ACER3: variants seen among roughly 807,000 people sequenced by gnomAD.
ACER3 encodes the protein alkCDase 3.
A neutral mutation model predicts 48.9 loss-of-function variants in ACER3; 16 were observed. The observed-to-expected ratio is 0.33, with a 90% CI of 0.22 to 0.50. The LOEUF (loss-of-function observed/expected upper bound fraction) is 0.50. ACER3 is among the 20% of genes least tolerant of loss of function. ACER3 has a pLI of 0.98. For synonymous variants in ACER3, 109 were observed against 107.8 expected (o/e 1.01, Z -0.07); for missense variants, 227 against 326.0 (o/e 0.70, Z 2.34).
intron 1 of ACER3, 43 bp downstream of exon 1, chr11:76,861,122 G>A: frequency 1.3e-6 from 2 of 1,505,124 alleles, no homozygotes; most frequent in Non-Finnish European, 9.0e-7. Context: ...AGAGGGCACC[G>A]GGCTGAGGAG....
chr11:76,904,682 G>A (rs1041355914), intron 1 of ACER3, among the ~76,000 whole-genome samples: 7 of 152,108 alleles, frequency 4.6e-5, no homozygotes, highest in Non-Finnish European at 7.3e-5. Context: ...ATTGGGACCC[G>A]GCTGGAGATG....
At chr11:77,017,978 C>T (rs181949071) in intron 9 of ACER3, among the ~76,000 whole-genome samples, 3 of 145,930 alleles carry the variant, frequency 2.1e-5, no homozygotes, top group African/African-American at 7.6e-5. Flanking sequence ...ACAGAGTCTC[C>T]CCCAAGCTGG....
At chr11:76,984,567 T>G (rs768716502) in intron 4 of ACER3, among the ~76,000 whole-genome samples, 1 of 152,196 alleles carries the variant, frequency 6.6e-6, no homozygotes, top group Non-Finnish European at 1.5e-5. Flanking sequence ...GATTGGATAC[T>G]CACTGATGGC....
intron 1 of ACER3, among the ~76,000 whole-genome samples, chr11:76,867,189 C>T (rs971944274): frequency 2.0e-5 from 3 of 152,124 alleles, no homozygotes; most frequent in African/African-American, 7.2e-5. Flanking sequence ...GCTGAGAGGG[C>T]CAGGCATGGT....
At chr11:76,980,323 A>G (rs1948556013) in intron 4 of ACER3, among the ~76,000 whole-genome samples, 1 of 152,232 alleles carries the variant, frequency 6.6e-6, no homozygotes. Flanking sequence ...GCTAGCAATT[A>G]TGACTATACT....
intron 2 of ACER3, among the ~76,000 whole-genome samples, chr11:76,947,978 A>G (rs1947519917): frequency 6.6e-6 from 1 of 152,188 alleles, no homozygotes; most frequent in Non-Finnish European, 1.5e-5. Flanking sequence ...CCAGGTACGT[A>G]GCTTGGTAGA....
chr11:76,864,302 T>A (rs1044072644), intron 1 of ACER3, among the ~76,000 whole-genome samples: 2 of 152,236 alleles, frequency 1.3e-5, no homozygotes, highest in Admixed American at 6.5e-5. Context: ...CATCATAGTG[T>A]GGGACCACAC....
intron 7 of ACER3, 76 bp downstream of exon 7, chr11:76,998,897 A>T (rs1948971092): frequency 4.3e-6 from 5 of 1,161,982 alleles, no homozygotes; most frequent in Non-Finnish European, 6.0e-6. Context: ...GCCTAAATCA[A>T]AATAACACAT....
chr11:76,902,918 T>C (rs1042449610), intron 1 of ACER3, among the ~76,000 whole-genome samples: 1 of 152,206 alleles, frequency 6.6e-6, no homozygotes, highest in Non-Finnish European at 1.5e-5. Flanking sequence ...TAATACTACA[T>C]CTTTACATTT....
chr11:76,920,244 CAGCACCTAGTGGTCAGT>C (rs1315017065), intron 1 of ACER3, among the ~76,000 whole-genome samples: 1 of 152,172 alleles, frequency 6.6e-6, no homozygotes, highest in East Asian at 1.9e-4. Context: ...TGGCTGTCAG[CAGCACCTAGTGGTCAGT>C]AGCATCCCCT....
chr11:76,881,283 A>G (rs1262284440), intron 1 of ACER3, among the ~76,000 whole-genome samples: 1 of 151,444 alleles, frequency 6.6e-6, no homozygotes, highest in African/African-American at 2.4e-5. Flanking sequence ...TAGAATTCCC[A>G]AGCAGATAAC....
At chr11:76,888,359 T>G (rs1008886985) in intron 1 of ACER3, among the ~76,000 whole-genome samples, 1 of 152,222 alleles carries the variant, frequency 6.6e-6, no homozygotes, top group African/African-American at 2.4e-5. Flanking sequence ...CTGGCATATT[T>G]TTTCCCCAGT....
chr11:76,889,837 G>T (rs1257327007), intron 1 of ACER3, among the ~76,000 whole-genome samples: 1 of 149,812 alleles, frequency 6.7e-6, no homozygotes, highest in African/African-American at 2.5e-5. Context: ...ATTTCTAGGG[G>T]TATTGTTTCT....
In ACER3 at chr11:76,868,381, C is replaced by CTGTGTG. The variant is rs1296647618; in HGVS notation, c.103+7303_103+7304insGTGTGT. The CTGTGTG allele has an allele frequency of 1.9e-5, 9 of 481,460 alleles. No individual in the cohort carries two copies. In the East Asian group the frequency reaches 2.7e-4, roughly 14 times the overall value. The allele number at this position is 481,460 out of a possible 1,614,324, so 29.8% of individuals were successfully genotyped here. ...AAAAGAGTTTAGTTTTAATATCTCTCTCTCTCTCTCTGTGTGTGTGTGTGT... is the reference window on the plus strand; with the variant it reads ...AAAAGAGTTTAGTTTTAATATCTCTCTGTGTGTCTCTCTCTCTGTGTGTGTGTGTGT... On this transcript the variant is annotated intron_variant, in intron 1 of 10. Transcript: ENST00000532485.
intron 1 of ACER3, among the ~76,000 whole-genome samples, chr11:76,870,443 T>G (rs1203274196): frequency 6.6e-6 from 1 of 152,120 alleles, no homozygotes; most frequent in Non-Finnish European, 1.5e-5. Context: ...TCACATTTTT[T>G]ATTCATTCTT....
chr11:76,951,217 C>T (rs916174774), intron 2 of ACER3, among the ~76,000 whole-genome samples: 2 of 152,146 alleles, frequency 1.3e-5, no homozygotes, highest in East Asian at 1.9e-4. Context: ...AAAGTCTTAA[C>T]GGGAATAAAT....
rs935371768 is a variant in ACER3 at position 77,020,581 on chromosome 11, G to A, written c.*254G>A. 4 of 427,368 alleles carry A rather than the reference G, an allele frequency of 9.4e-6. No individual in the cohort carries two copies. Among genetic ancestry groups the A allele is most frequent in the Non-Finnish European group, 1.7e-5 (4 of 236,860 alleles). 26.5% of individuals were successfully genotyped at this position (427,368 alleles called of 1,614,324 possible). ...ATAAAGAAACAGAGATGATGTGTGT[G>A]TATGCCTCAAATGCAGAAACAGTTG... On this transcript the variant is annotated 3_prime_UTR_variant, in exon 11 of 11. Coordinates refer to ENST00000532485, the MANE Select transcript of ACER3 (RefSeq NM_018367.7).
intron 1 of ACER3, among the ~76,000 whole-genome samples, chr11:76,880,567 C>T (rs2134572178): frequency 6.6e-6 from 1 of 152,324 alleles, no homozygotes; most frequent in Admixed American, 6.5e-5. Context: ...TCTGACTAAC[C>T]TGCTATAAAT....
intron 7 of ACER3, among the ~76,000 whole-genome samples, chr11:77,003,658 TC>T (rs1168040550): frequency 1.3e-5 from 2 of 152,202 alleles, no homozygotes; most frequent in Non-Finnish European, 2.9e-5. Context: ...TTTCAGACTT[TC>T]CTATTTCCTA....
Sources: gnomAD v4.1 joint callset for allele counts (sites outside exome capture counted in the v4.1 genomes callset) on GRCh38, gnomAD v4.1.1 for gene constraint, MANE v1.5 for transcripts, NCBI Gene and HGNC (gene_info 2026-07-23, HGNC 2026-07-21) for gene names.